RBFOX1: variants seen among roughly 807,000 people sequenced by gnomAD.
RBFOX1 encodes RNA binding fox-1 homolog 1, also known as RNA binding protein fox-1 homolog 1.
RBFOX1 carries 8 observed loss-of-function variants against 57.7 expected under a neutral mutation model. The observed-to-expected ratio is 0.14, with a 90% CI of 0.08 to 0.25. The LOEUF (loss-of-function observed/expected upper bound fraction) is 0.25, where lower values mean the gene tolerates loss of function less well. RBFOX1 is among the 10% of genes least tolerant of loss of function. RBFOX1 has a pLI of 1.00. For synonymous variants in RBFOX1, 326 were observed against 222.4 expected, an observed-to-expected ratio of 1.47 and a Z score of -4.15; for missense variants, 611 against 548.5, an observed-to-expected ratio of 1.11 and a Z score of -1.14.
intron 3 of RBFOX1, among the ~76,000 whole-genome samples, chr16:6,993,735 G>T (rs187512440): frequency 6.6e-6 from 1 of 152,222 alleles, no homozygotes; most frequent in East Asian, 1.9e-4. Flanking sequence ...TTTGGCAGCA[G>T]CCCAGCTCCA....
chr16:5,483,217 G>A (rs931047444), intron 2 of RBFOX1, among the ~76,000 whole-genome samples: 3 of 152,176 alleles, frequency 2.0e-5, no homozygotes, highest in African/African-American at 7.2e-5. Context: ...ATGGGATAGA[G>A]CCACTTTTTC....
intron 4 of RBFOX1, among the ~76,000 whole-genome samples, chr16:7,392,185 C>G (rs147264204): frequency 2.0e-5 from 3 of 152,274 alleles, no homozygotes; most frequent in African/African-American, 7.2e-5. Context: ...ATTGCATTTT[C>G]ATAATCATTT....
rs1036021862 is a variant in RBFOX1, at chr16:6,080,086, C to T, written c.-127+60094C>T. Among the ~76,000 whole-genome samples, 3 of 152,152 alleles carry T rather than the reference C, an allele frequency of 2.0e-5. 1 individual carries two copies. Among genetic ancestry groups the T allele is most frequent in the South Asian group, 4.1e-4 (2 of 4,822 alleles). ...AGAGAAGAGTATGTTTTCTAATGTA[C>T]AGTGGATATCTTGAAGGGAGCCATG... On this transcript the variant is annotated intron_variant, in intron 1 of 15. Transcript: ENST00000550418.
In RBFOX1 at chr16:5,262,345, A is replaced by G. The variant is rs138513302; in HGVS notation, c.219+22240A>G. Among the ~76,000 whole-genome samples the G allele has an allele frequency of 2.4e-3, 365 of 152,344 alleles. 1 individual carries two copies. Among genetic ancestry groups the G allele is most frequent in the Non-Finnish European group, 4.0e-3 (269 of 68,036 alleles). ...GGATAACATTTAATTGGTAGACTGA[A>G]TAAGGCAGATTGTCCTCCCCAATGT... On this transcript the variant is annotated intron_variant, in intron 1 of 2. Coordinates refer to the RBFOX1 transcript ENST00000585867.
intron 2 of RBFOX1, among the ~76,000 whole-genome samples, chr16:5,482,160 A>C: frequency 6.6e-6 from 1 of 151,758 alleles, no homozygotes; most frequent in East Asian, 1.9e-4. Flanking sequence ...TGCTTTTTTC[A>C]CTCTCTTTCA....
At chr16:7,066,652 G>C (rs948837479) in intron 4 of RBFOX1, among the ~76,000 whole-genome samples, 1 of 152,182 alleles carries the variant, frequency 6.6e-6, no homozygotes, top group African/African-American at 2.4e-5. Flanking sequence ...CAAAACTATA[G>C]CAGCAATTAT....
chr16:7,222,204 G>A (rs77014753), intron 4 of RBFOX1, among the ~76,000 whole-genome samples: 4,193 of 152,264 alleles, frequency 0.028, 199 homozygotes, highest in African/African-American at 0.096. Context: ...CAGAGGGCAG[G>A]TGGTTCACAA....
At chr16:5,942,397 G>A (rs764300361) in intron 4 of RBFOX1, among the ~76,000 whole-genome samples, 7 of 152,166 alleles carry the variant, frequency 4.6e-5, no homozygotes, top group Admixed American at 1.3e-4. Flanking sequence ...CATGAGTCAC[G>A]GGTCTGAGTG....
At chr16:6,537,101 C>T (rs371730037) in intron 2 of RBFOX1, among the ~76,000 whole-genome samples, 1 of 152,136 alleles carries the variant, frequency 6.6e-6, no homozygotes, top group African/African-American at 2.4e-5. Flanking sequence ...TTCCTTCCAG[C>T]GTTCCATACC....
chr16:5,853,420 T>G (rs539718038), intron 3 of RBFOX1, among the ~76,000 whole-genome samples: 3 of 152,162 alleles, frequency 2.0e-5, no homozygotes, highest in African/African-American at 7.2e-5. Context: ...CCTGCCCCCA[T>G]GTTCCCTGGG....
chr16:6,882,863 C>T (rs576142456), intron 3 of RBFOX1, among the ~76,000 whole-genome samples: 41 of 152,236 alleles, frequency 2.7e-4, no homozygotes, highest in African/African-American at 9.4e-4. Flanking sequence ...CAGGAGTGAA[C>T]AACCATCTTC....
intron 4 of RBFOX1, among the ~76,000 whole-genome samples, chr16:7,145,029 C>G (rs2074648892): frequency 6.6e-6 from 1 of 152,080 alleles, no homozygotes; most frequent in African/African-American, 2.4e-5. Flanking sequence ...AGGTTTTGTT[C>G]TGGGCAAATC....
In RBFOX1 at chr16:5,773,689, T is replaced by A. The variant is rs79361611; in HGVS notation, c.319-93614T>A. On this transcript the variant is annotated intron_variant, in intron 3 of 19. Transcript: ENST00000641259. ...AATAGAATTGCCAGGTGGAAAAGCA[T>A]GTGCATTTTTATTTTATTTTATTTT... 3.0e-3 allele frequency among the ~76,000 whole-genome samples: 453 copies of A among 152,254 alleles called. 3 individuals are homozygous for A. The highest frequency in any genetic ancestry group is 0.01 in the African/African-American group (432 of 41,554).
chr16:6,417,412 C>CTTTT (rs35363634), intron 2 of RBFOX1, among the ~76,000 whole-genome samples: 5 of 116,134 alleles, frequency 4.3e-5, no homozygotes, highest in South Asian at 2.8e-4. Flanking sequence ...AATGTGTTTA[C>CTTTT]TTTTTTTTTT....
chr16:5,837,233 T>C (rs559270252), intron 3 of RBFOX1, among the ~76,000 whole-genome samples: 14 of 149,240 alleles, frequency 9.4e-5, no homozygotes, highest in African/African-American at 3.5e-4. Context: ...TATATTCCAG[T>C]CCCGCTAGAC....
intron 3 of RBFOX1, among the ~76,000 whole-genome samples, chr16:7,034,001 A>T (rs1221219134): frequency 6.6e-6 from 1 of 152,200 alleles, no homozygotes; most frequent in Non-Finnish European, 1.5e-5. Flanking sequence ...AAGGCATTTA[A>T]TTCAATACTT....
intron 2 of RBFOX1, among the ~76,000 whole-genome samples, chr16:6,391,751 G>A (rs1270084612): frequency 6.6e-6 from 1 of 152,098 alleles, no homozygotes; most frequent in African/African-American, 2.4e-5. Flanking sequence ...GATGGGCAGG[G>A]AGAGAAGGAG....
intron 2 of RBFOX1, among the ~76,000 whole-genome samples, chr16:6,478,426 TA>T (rs1235877537): frequency 2.2e-3 from 37 of 16,586 alleles, no homozygotes; most frequent in East Asian, 6.9e-3. Flanking sequence ...TATATATATA[TA>T]TATTTTTTTT....
At chr16:5,288,351 T>TG (rs2063450514) in intron 1 of RBFOX1, among the ~76,000 whole-genome samples, 2 of 151,962 alleles carry the variant, frequency 1.3e-5, no homozygotes, top group African/African-American at 2.4e-5. Flanking sequence ...TGTGTCTATG[T>TG]TGGGGGCACT....
Sources: allele counts gnomAD v4.1 joint callset (sites outside exome capture counted in the v4.1 genomes callset), GRCh38; gene constraint gnomAD v4.1.1; transcripts MANE v1.5; gene names NCBI Gene and HGNC (gene_info 2026-07-23, HGNC 2026-07-21).